The following DKK2 variants were observed in gnomAD, a reference collection of about 807,000 sequenced individuals.
The protein encoded by DKK2 is dickkopf Wnt signaling pathway inhibitor 2, also known as dickkopf-related protein 2.
DKK2 carries 11 observed loss-of-function variants against 28.1 expected under a neutral mutation model. The ratio of observed to expected loss-of-function variants is 0.39; its 90% CI spans 0.25 to 0.65. The LOEUF (loss-of-function observed/expected upper bound fraction) is 0.65, where lower values mean the gene tolerates loss of function less well. Ranked by LOEUF, DKK2 falls within the 30% of genes least tolerant of loss-of-function variation. DKK2 has a pLI of 0.47. For missense variants in DKK2, 326 were observed against 335.5 expected (o/e 0.97, Z 0.22); for synonymous variants, 135 against 126.5 (o/e 1.07, Z -0.45).
intron 1 of DKK2, among the ~76,000 whole-genome samples, chr4:106,970,736 A>G (rs1237611868): frequency 6.6e-6 from 1 of 152,070 alleles, no homozygotes; most frequent in African/African-American, 2.4e-5. Context: ...GGCACTGCTG[A>G]TCATTGGAAA....
chr4:106,938,325 A>G (rs572054850), intron 1 of DKK2, among the ~76,000 whole-genome samples: 34 of 152,366 alleles, frequency 2.2e-4, no homozygotes, highest in African/African-American at 8.2e-4. Flanking sequence ...CTACCATCAG[A>G]GAATACTACA....
chr4:106,960,058 T>C (rs1189937562), intron 1 of DKK2, among the ~76,000 whole-genome samples: 1 of 151,240 alleles, frequency 6.6e-6, no homozygotes, highest in Admixed American at 6.6e-5. Flanking sequence ...GATTCACAAT[T>C]GCAAAGATAA....
intron 1 of DKK2, among the ~76,000 whole-genome samples, chr4:106,983,900 A>G (rs925409191): frequency 6.6e-6 from 1 of 152,228 alleles, no homozygotes; most frequent in East Asian, 1.9e-4. Flanking sequence ...AATTAAAACC[A>G]CAATAGGATA....
chr4:106,947,919 A>T (rs907278237), intron 1 of DKK2, among the ~76,000 whole-genome samples: 2 of 152,084 alleles, frequency 1.3e-5, no homozygotes, highest in Non-Finnish European at 2.9e-5. Flanking sequence ...TCGAGTTGCT[A>T]GGATTACAGG....
At chr4:106,962,846 C>T (rs1722712460) in intron 1 of DKK2, among the ~76,000 whole-genome samples, 1 of 151,742 alleles carries the variant, frequency 6.6e-6, no homozygotes, top group Admixed American at 6.6e-5. Context: ...AAAATATTAG[C>T]AAACTGCACC....
intron 1 of DKK2, among the ~76,000 whole-genome samples, chr4:106,995,568 C>A (rs1723259126): frequency 6.6e-6 from 1 of 152,154 alleles, no homozygotes; most frequent in African/African-American, 2.4e-5. Flanking sequence ...AAATAATTTT[C>A]ATATGCAGAA....
At chr4:106,973,488 T>TG (rs1722899400) in intron 1 of DKK2, among the ~76,000 whole-genome samples, 1 of 152,238 alleles carries the variant, frequency 6.6e-6, no homozygotes, top group Admixed American at 6.5e-5. Context: ...TAATGACCAG[T>TG]GATGATGAGC....
At position 106,925,912 on chromosome 4, in the gene DKK2, C is replaced by G; in HGVS notation, c.260G>C (p.Gly87Ala). 6.2e-7 allele frequency: 1 copy of G among 1,613,524 alleles called. No individual in the cohort carries two copies. Among genetic ancestry groups the G allele is most frequent in the South Asian group, 1.1e-5 (1 of 91,050 alleles). ...TTGGTGGGGACTGTGGCAATACCTC[C>G]CAACTTCACACTCCTTATCACTGCT... ...PCSSDKECEV[G>A]RYCHSPHQGS... Residue 87 changes from glycine to alanine, a missense_variant, in exon 2 of 4, where the codon GGG (glycine) becomes GCG (alanine). Physicochemically the swap from Gly to Ala is moderately conservative, Grantham distance 60 (BLOSUM62 0). Coordinates refer to ENST00000285311, the MANE Select transcript of DKK2 (RefSeq NM_014421.3).
At chr4:106,971,360 T>A (rs933142169) in intron 1 of DKK2, among the ~76,000 whole-genome samples, 1 of 152,084 alleles carries the variant, frequency 6.6e-6, no homozygotes, top group Non-Finnish European at 1.5e-5. Context: ...TCAATGTATT[T>A]CAAAACTAAT....
chr4:106,923,821 G>A lies in DKK2; in HGVS notation c.*133C>T. The A allele has an allele frequency of 2.4e-6, 3 of 1,243,514 alleles. No individual in the cohort carries two copies. The highest frequency in any genetic ancestry group is 1.5e-5 in the South Asian group (1 of 66,612). 77.0% of individuals were successfully genotyped at this position (1,243,514 alleles called of 1,614,324 possible). A position where few individuals can be genotyped will look rare whatever the true frequency, so the allele number is the denominator to read the frequency against. On this transcript the variant is annotated 3_prime_UTR_variant, in exon 4 of 4. Transcript: ENST00000285311. The stretch of plus-strand genomic sequence containing the variant: ...GTTCATGTTTTCTTTCTCCCTTTTT[G>A]TGATCATCTATATTCTTATCACGTT...
chr4:106,952,527 T>G lies in DKK2; in HGVS notation c.223-26578A>C, dbSNP rs529679019. 1.4e-4 allele frequency among the ~76,000 whole-genome samples: 21 copies of G among 152,288 alleles called. No individual in the cohort carries two copies. The South Asian group carries it at 4.1e-3, about 30-fold the overall frequency. On this transcript the variant is annotated intron_variant, in intron 1 of 3. Transcript: ENST00000285311. Reference sequence around the variant, plus strand: ...CCTTTCTATTTACAACATTTCATAATTAATCAAATCCTATCTCCTTCAAAA... The same window carrying G: ...CCTTTCTATTTACAACATTTCATAAGTAATCAAATCCTATCTCCTTCAAAA...
At chr4:106,937,664 A>AT (rs1423561216) in intron 1 of DKK2, among the ~76,000 whole-genome samples, 1 of 148,382 alleles carries the variant, frequency 6.7e-6, no homozygotes. Flanking sequence ...CAGAATATAC[A>AT]TTTTTTTCAG....
At chr4:107,024,482 T>C (rs1039742586) in intron 1 of DKK2, among the ~76,000 whole-genome samples, 1 of 152,186 alleles carries the variant, frequency 6.6e-6, no homozygotes, top group Non-Finnish European at 1.5e-5. Context: ...AAAAAACTTC[T>C]ATTTTCAATC....
intron 1 of DKK2, among the ~76,000 whole-genome samples, chr4:106,968,296 T>G (rs1005577601): frequency 6.6e-6 from 1 of 152,110 alleles, no homozygotes; most frequent in Non-Finnish European, 1.5e-5. Flanking sequence ...CTACCGTGGC[T>G]CCTTGAACTT....
intron 1 of DKK2, among the ~76,000 whole-genome samples, chr4:106,949,356 C>A (rs1448168547): frequency 6.6e-6 from 1 of 152,082 alleles, no homozygotes; most frequent in African/African-American, 2.4e-5. Flanking sequence ...CTCATAGTAC[C>A]AGGTGACTTG....
intron 1 of DKK2, among the ~76,000 whole-genome samples, chr4:106,944,307 C>A (rs1049387200): frequency 2.0e-5 from 3 of 151,976 alleles, no homozygotes; most frequent in African/African-American, 7.2e-5. Context: ...AGGTTCTCAC[C>A]AGCTATGTTA....
chr4:106,928,690 CCTTG>C (rs1724458149), intron 1 of DKK2, among the ~76,000 whole-genome samples: 1 of 152,076 alleles, frequency 6.6e-6, no homozygotes, highest in Admixed American at 6.6e-5. Context: ...GTAAAGCTTA[CCTTG>C]TAATAACTTC....
chr4:107,015,462 T>C (rs1723583895), intron 1 of DKK2, among the ~76,000 whole-genome samples: 2 of 151,664 alleles, frequency 1.3e-5, no homozygotes, highest in Admixed American at 1.3e-4. Context: ...CAGGAATCTT[T>C]AGACATACAG....
chr4:106,928,699 A>T (rs1236047999), intron 1 of DKK2, among the ~76,000 whole-genome samples: 1 of 152,182 alleles, frequency 6.6e-6, no homozygotes, highest in African/African-American at 2.4e-5. Flanking sequence ...ACCTTGTAAT[A>T]ACTTCTAGCA....
Sources: gnomAD v4.1 joint callset for allele counts (sites outside exome capture counted in the v4.1 genomes callset) on GRCh38, gnomAD v4.1.1 for gene constraint, MANE v1.5 for transcripts, NCBI Gene and HGNC (gene_info 2026-07-23, HGNC 2026-07-21) for gene names.